Variants in PDK3 observed in about 807,000 individuals in gnomAD.
PDK3 encodes pyruvate dehydrogenase kinase, isozyme 3.
Under a neutral mutation model 32.0 loss-of-function variants are expected in PDK3, and 12 were observed. That is an observed-to-expected ratio of 0.37 (90% CI 0.24 to 0.61). The LOEUF (loss-of-function observed/expected upper bound fraction) is 0.61, where lower values mean the gene tolerates loss of function less well. Among genes scored for constraint, PDK3 ranks in the 20% least tolerant of loss-of-function variants. The probability of loss-of-function intolerance (pLI) is 0.65; values close to 1 mark genes in which losing one functional copy is unlikely to be tolerated. For synonymous variants in PDK3, 122 were observed against 116.3 expected, an observed-to-expected ratio of 1.05 and a Z score of -0.31; for missense variants, 188 against 316.9, an observed-to-expected ratio of 0.59 and a Z score of 3.09.
Position 24,472,861 on chromosome X carries a change from A to G in PDK3, c.106+7300A>G, listed in dbSNP as rs1427827380. Among the ~76,000 whole-genome samples, 3 of 105,687 alleles carry G rather than the reference A, an allele frequency of 2.8e-5. No homozygotes were observed. The East Asian group carries it at 9.2e-4, about 32-fold the overall frequency. 91.8% of individuals were successfully genotyped at this position (105,687 alleles called of 115,157 possible). Reference sequence around the variant, plus strand: ...CGCCTACATGCCCAGCTAATTTTGTATTTTTAGTAGAGATGGGGTTTCTCC... The same window carrying G: ...CGCCTACATGCCCAGCTAATTTTGTGTTTTTAGTAGAGATGGGGTTTCTCC... On this transcript the variant is annotated intron_variant, in intron 1 of 10. Coordinates refer to ENST00000379162, the MANE Select transcript of PDK3 (RefSeq NM_005391.5).
chrX:24,472,624 G>A (rs1921002386), intron 1 of PDK3, among the ~76,000 whole-genome samples: 1 of 106,793 alleles, frequency 9.4e-6, no homozygotes, highest in Admixed American at 1.0e-4. Context: ...ATGTTAATGT[G>A]GCTACTAGGA....
chrX:24,543,310 T>C (rs1161259528), exon 12 of PDK3, among the ~76,000 whole-genome samples: 1 of 111,450 alleles, frequency 9.0e-6, no homozygotes, highest in African/African-American at 3.3e-5. Flanking sequence ...TCATCTTTCT[T>C]CATTCATGCT....
intron 1 of PDK3, among the ~76,000 whole-genome samples, chrX:24,481,049 C>CT (rs758641178): frequency 2.1e-3 from 208 of 97,449 alleles, no homozygotes; most frequent in African/African-American, 4.1e-3. Flanking sequence ...TTTTCTTTTT[C>CT]TTTTTTTTTT....
intron 1 of PDK3, among the ~76,000 whole-genome samples, chrX:24,487,398 G>A (rs1297493091): frequency 2.7e-5 from 3 of 111,821 alleles, no homozygotes; most frequent in African/African-American, 6.5e-5. Context: ...GGAAGTGGGC[G>A]CGGGTTGAAA....
At chrX:24,535,520 A>AG (rs1452866371), downstream of PDK3, among the ~76,000 whole-genome samples, 15 of 99,999 alleles carry the variant, frequency 1.5e-4, no homozygotes, top group East Asian at 6.0e-4. Context: ...AAAAAAAAAA[A>AG]AAGAAGAAGA....
In PDK3 at chrX:24,524,410, G is replaced by A. The variant is rs753283287; in HGVS notation, c.674-1788G>A. Among the ~76,000 whole-genome samples the A allele has an allele frequency of 1.2e-4, 13 of 111,744 alleles. No homozygotes were observed. In the East Asian group the frequency reaches 2.5e-3, roughly 22 times the overall value. ...TTCCAGTAAGCTGGAAGATCTTAGCGAAATGGCATGGACCAACTATGAAGC... is the reference window on the plus strand; with the variant it reads ...TTCCAGTAAGCTGGAAGATCTTAGCAAAATGGCATGGACCAACTATGAAGC... On this transcript the variant is annotated intron_variant, in intron 6 of 10. Transcript: ENST00000379162.
intron 6 of PDK3, 60 bp downstream of exon 6, chrX:24,519,070 C>A: frequency 4.2e-6 from 3 of 711,335 alleles, no homozygotes; most frequent in Non-Finnish European, 4.3e-6. Context: ...GCTGTTTATA[C>A]CTAAGCCATA....
chrX:24,526,564 AT>A (rs1256575356), intron 7 of PDK3, among the ~76,000 whole-genome samples: 1 of 111,950 alleles, frequency 8.9e-6, no homozygotes, highest in Non-Finnish European at 1.9e-5. Context: ...GAGATTAGAG[AT>A]GCTTTTTAGT....
At position 24,465,497 on chromosome X, in the gene PDK3, G is replaced by C. The variant is rs1481997420; in HGVS notation, c.42G>C (p.Lys14Asn). ...GGCTGCTGAAGCAGCCGGTGCCCAA[G>C]CAGATCGAGCGCTACTCGCGCTTTT... ...FRWLLKQPVPKQIERYSRFSP... is the reference protein window; with the variant it reads ...FRWLLKQPVPNQIERYSRFSP... Residue 14 changes from lysine (K) to asparagine (N), a missense_variant, in exon 1 of 11, where the codon AAG (lysine) becomes AAC (asparagine). By Grantham distance (94) the Lys-to-Asn change is moderately conservative. Transcript: ENST00000379162. 13 of 1,209,236 alleles carry C rather than the reference G, an allele frequency of 1.1e-5. No homozygotes were observed. In the Middle Eastern group the frequency reaches 1.4e-3, roughly 128 times the overall value.
At chrX:24,497,353 C>T (rs1444528688) in intron 2 of PDK3, among the ~76,000 whole-genome samples, 2 of 112,084 alleles carry the variant, frequency 1.8e-5, no homozygotes, top group Non-Finnish European at 3.8e-5. Flanking sequence ...GGCACAACCT[C>T]GGCTCACTGC....
chrX:24,540,889 C>CTTTTTT lies in PDK3; in HGVS notation c.*1758_*1763dup, dbSNP rs369307335. 6.3e-4 allele frequency among the ~76,000 whole-genome samples: 23 copies of CTTTTTT among 36,676 alleles called. 6 individuals carry two copies. The highest frequency in any genetic ancestry group is 8.9e-4 in the Non-Finnish European group (22 of 24,648). The allele number at this position is 36,676 out of a possible 115,157, so 31.8% of individuals were successfully genotyped here. ...CTTTACATGCAAAGACCCTAGCTTC[C>CTTTTTT]TTTTTTTTTTTTTTTTTTTTTTTTT... On this transcript the variant is annotated 3_prime_UTR_variant, in exon 12 of 12. Transcript: ENST00000568479.
chrX:24,510,421 A>G (rs1922088231), intron 5 of PDK3, among the ~76,000 whole-genome samples: 2 of 112,516 alleles, frequency 1.8e-5, no homozygotes, highest in South Asian at 7.3e-4. Flanking sequence ...AAAATAATAA[A>G]AGTGCTCATC....
intron 2 of PDK3, among the ~76,000 whole-genome samples, chrX:24,496,159 TAACAG>T (rs2148188778): frequency 9.0e-6 from 1 of 111,386 alleles, no homozygotes; most frequent in East Asian, 2.8e-4. Flanking sequence ...CTTTCCTACT[TAACAG>T]AAGGGTTGTA....
intron 1 of PDK3, among the ~76,000 whole-genome samples, chrX:24,480,187 TC>T (rs1921219227): frequency 9.0e-6 from 1 of 111,620 alleles, no homozygotes; most frequent in Non-Finnish European, 1.9e-5. Context: ...CCATTTAAGA[TC>T]ATCTGAAAGT....
At chrX:24,538,799 T>C (rs979827698), downstream of PDK3, among the ~76,000 whole-genome samples, 4 of 111,080 alleles carry the variant, frequency 3.6e-5, no homozygotes, top group African/African-American at 1.3e-4. Flanking sequence ...AATAAAAGTA[T>C]ACAATTCCAT....
At chrX:24,509,483 T>C (rs989803458) in intron 5 of PDK3, among the ~76,000 whole-genome samples, 1 of 110,067 alleles carries the variant, frequency 9.1e-6, no homozygotes, top group African/African-American at 3.3e-5. Context: ...AAATCCCTCT[T>C]CCCCCAACAC....
chrX:24,549,891 C>T (rs1923066426), exon 12 of PDK3: 1 of 111,951 alleles, frequency 8.9e-6, no homozygotes, highest in South Asian at 3.7e-4. Context: ...TAAGAAACAG[C>T]ACTGTGGAAT....
intron 6 of PDK3, among the ~76,000 whole-genome samples, chrX:24,525,302 G>C (rs73486361): frequency 1.0e-3 from 114 of 112,076 alleles, no homozygotes; most frequent in African/African-American, 3.5e-3. Context: ...CCTGTTTCCA[G>C]ACCTCTAAAC....
At chrX:24,537,312 T>C (rs1234666914), downstream of PDK3, among the ~76,000 whole-genome samples, 1 of 99,659 alleles carries the variant, frequency 1.0e-5, no homozygotes, top group Non-Finnish European at 2.0e-5. Flanking sequence ...TTTGTATTTT[T>C]AGTAGAGTTG....
Sources: allele counts gnomAD v4.1 joint callset (sites outside exome capture counted in the v4.1 genomes callset), GRCh38; gene constraint gnomAD v4.1.1; transcripts MANE v1.5; gene names NCBI Gene and HGNC (gene_info 2026-07-23, HGNC 2026-07-21).